LRP8: variants seen among roughly 807,000 people sequenced by gnomAD.
The protein encoded by LRP8 is low-density lipoprotein receptor-related protein 8.
In LRP8, 46 loss-of-function variants were observed where a neutral mutation model predicts 111.6. The ratio of observed to expected loss-of-function variants is 0.41; its 90% confidence interval spans 0.33 to 0.53. The LOEUF (loss-of-function observed/expected upper bound fraction) is 0.53. Among genes scored for constraint, LRP8 ranks in the 20% least tolerant of loss-of-function variants. The probability of loss-of-function intolerance (pLI) is 0.20; values close to 1 mark genes in which losing one functional copy is unlikely to be tolerated. For missense variants in LRP8, 959 were observed against 1,297.4 expected (o/e 0.74, Z 4.01); for synonymous variants, 464 against 511.2 (o/e 0.91, Z 1.24).
chr1:53,299,755 A>G (rs564501495), intron 2 of LRP8, among the ~76,000 whole-genome samples: 2 of 152,360 alleles, frequency 1.3e-5, no homozygotes, highest in Non-Finnish European at 2.9e-5. Flanking sequence ...GGAGTTAGCA[A>G]TGGGCCGTCT....
At chr1:53,257,900 C>G (rs911985194) in intron 14 of LRP8, 14 of 221,982 alleles carry the variant, frequency 6.3e-5, no homozygotes, top group Non-Finnish European at 1.1e-4. Flanking sequence ...TCTGTGTATG[C>G]GGTTGAAGTA....
Position 53,250,175 on chromosome 1 carries a change from C to T in LRP8, c.2676+515G>A, listed in dbSNP as rs1645849787. Among the ~76,000 whole-genome samples, 1 of 152,186 alleles carries T rather than the reference C, an allele frequency of 6.6e-6. No individual in the cohort carries two copies. The highest frequency in any genetic ancestry group is 2.4e-5 in the African/African-American group (1 of 41,436). ...CAGCTTCTTGGGAGCAAGCATGTTCCTTATTGACTTTTGAATACTTGATAT... is the reference window on the plus strand; with the variant it reads ...CAGCTTCTTGGGAGCAAGCATGTTCTTTATTGACTTTTGAATACTTGATAT... On this transcript the variant is annotated intron_variant, in intron 17 of 18. Coordinates refer to ENST00000306052, the MANE Select transcript of LRP8 (RefSeq NM_004631.5). This position sits in a 1 kb window ranked among gnomAD's most constrained non-coding sequence, Gnocchi z 4.6.
chr1:53,281,420 G>A (rs1647106238), intron 3 of LRP8, among the ~76,000 whole-genome samples: 1 of 152,276 alleles, frequency 6.6e-6, no homozygotes, highest in Non-Finnish European at 1.5e-5. Context: ...CTTATCATGA[G>A]TTTCTGCTGG....
At chr1:53,267,033 G>C (rs1410500887) in intron 8 of LRP8, 1 of 187,812 alleles carries the variant, frequency 5.3e-6, no homozygotes, top group Non-Finnish European at 1.1e-5. Flanking sequence ...GCCATGGATG[G>C]GCTTCCTGCC....
chr1:53,251,686 T>C (rs1347012240), intron 16 of LRP8, among the ~76,000 whole-genome samples: 1 of 151,636 alleles, frequency 6.6e-6, no homozygotes, highest in African/African-American at 2.4e-5. Flanking sequence ...TTATCATTGC[T>C]AATATTTATT....
In LRP8 at chr1:53,276,963, C is replaced by G; in HGVS notation, c.612G>C (p.Pro204=). The change falls in exon 5 of 19, where the codon CCG becomes CCC. Residue 204 remains proline, a synonymous_variant. Coordinates refer to ENST00000306052, the MANE Select transcript of LRP8 (RefSeq NM_004631.5). ...AGCGGAACTCGCGGGGCCCGCAGGCCGGGTCTGCACAGCCGCGCTCATCGC... is the reference window on the plus strand; with the variant it reads ...AGCGGAACTCGCGGGGCCCGCAGGCGGGGTCTGCACAGCCGCGCTCATCGC... ...DGSDERGCAD[P]ACGPREFRCG... is the part of the protein sequence containing the mutation. 6.7e-7 allele frequency: 1 copy of G among 1,485,704 alleles called. No homozygotes were observed. The highest frequency in any genetic ancestry group is 1.5e-5 in the African/African-American group (1 of 68,262). 92.0% of individuals were successfully genotyped at this position (1,485,704 alleles called of 1,614,324 possible).
intron 2 of LRP8, among the ~76,000 whole-genome samples, chr1:53,315,725 C>T (rs1250019081): frequency 1.3e-5 from 2 of 152,270 alleles, no homozygotes; most frequent in Non-Finnish European, 2.9e-5. Flanking sequence ...AAAAGCTGCC[C>T]CAAGTGACAC....
At chr1:53,255,096 G>T in intron 16 of LRP8, 21 bp downstream of exon 16, 1 of 1,612,594 alleles carries the variant, frequency 6.2e-7, no homozygotes, top group South Asian at 1.1e-5. Flanking sequence ...TTTCTCTTCA[G>T]TGACTGGGGG....
At chr1:53,302,460 A>G (rs1285114101) in intron 2 of LRP8, among the ~76,000 whole-genome samples, 1 of 152,076 alleles carries the variant, frequency 6.6e-6, no homozygotes, top group African/African-American at 2.4e-5. Flanking sequence ...CAGCCGGGGC[A>G]CTGAGGCCCA....
intron 2 of LRP8, among the ~76,000 whole-genome samples, chr1:53,322,322 A>G (rs1177440355): frequency 5.3e-5 from 8 of 152,162 alleles, no homozygotes; most frequent in African/African-American, 2.4e-5. Flanking sequence ...CAAATCCTGT[A>G]TCTCAGCCTG....
chr1:53,246,908 A>G lies in LRP8; in HGVS notation c.*110T>C. On this transcript the variant is annotated 3_prime_UTR_variant, in exon 19 of 19. Transcript: ENST00000306052. ...TTTAAAAAAAAAATCACACACACAC[A>G]TACACTCACACAGACCCATATATAG... The G allele has an allele frequency of 3.2e-6, 3 of 941,906 alleles. No individual in the cohort carries two copies. Among genetic ancestry groups the G allele is most frequent in the South Asian group, 3.3e-5 (2 of 61,432 alleles). The allele number at this position is 941,906 out of a possible 1,614,324, so 58.3% of individuals were successfully genotyped here.
chr1:53,291,448 C>A (rs1483866854), intron 2 of LRP8, among the ~76,000 whole-genome samples: 1 of 152,136 alleles, frequency 6.6e-6, no homozygotes, highest in Non-Finnish European at 1.5e-5. Flanking sequence ...CCAATCTAGC[C>A]CCACCTCAAC....
intron 3 of LRP8, among the ~76,000 whole-genome samples, chr1:53,282,198 C>G (rs1186107290): frequency 2.0e-5 from 3 of 152,098 alleles, no homozygotes; most frequent in Non-Finnish European, 4.4e-5. Flanking sequence ...CCCTGGACAC[C>G]ACTACTGCCA....
Position 53,328,020 on chromosome 1 carries a change from C to T in LRP8, c.-108G>A. 3 of 480,474 alleles carry T rather than the reference C, an allele frequency of 6.2e-6. No homozygotes were observed. The highest frequency in any genetic ancestry group is 5.3e-6 in the Non-Finnish European group (2 of 377,712). The allele number at this position is 480,474 out of a possible 1,614,324, so 29.8% of individuals were successfully genotyped here. On this transcript the variant is annotated 5_prime_UTR_variant, in exon 1 of 19. Coordinates refer to ENST00000306052, the MANE Select transcript of LRP8 (RefSeq NM_004631.5). ...GGCGCCGGGGTTGCCGCTGCCCCCG[C>T]CGCCGCCGCCGCCGCCGCTGCCGCC...
intron 9 of LRP8, 78 bp from the exon 10 acceptor site, chr1:53,264,474 C>T (rs867320996): frequency 1.7e-6 from 2 of 1,148,808 alleles, no homozygotes; most frequent in Middle Eastern, 2.0e-4. Flanking sequence ...GCACCCTTCC[C>T]CTCTCTTCCA....
Position 53,244,378 on chromosome 1 carries a change from G to C in LRP8, c.*2640C>G, listed in dbSNP as rs1210868878. 6.6e-6 allele frequency: 1 copy of C among 152,258 alleles called. No individual in the cohort carries two copies. The highest frequency in any genetic ancestry group is 1.5e-5 in the Non-Finnish European group (1 of 68,054). 9.4% of individuals were successfully genotyped at this position (152,258 alleles called of 1,614,324 possible). A position where few individuals can be genotyped will look rare whatever the true frequency, so the allele number is the denominator to read the frequency against. On this transcript the variant is annotated 3_prime_UTR_variant, in exon 19 of 19. Coordinates refer to ENST00000306052, the MANE Select transcript of LRP8 (RefSeq NM_004631.5). ...CTATAGTCCAGTGACTCTGTGATCTGTGATTGGCTGTAGATAGCTATGCAC... is the reference window on the plus strand; with the variant it reads ...CTATAGTCCAGTGACTCTGTGATCTCTGATTGGCTGTAGATAGCTATGCAC...
chr1:53,312,585 C>T (rs1432073209), intron 2 of LRP8, among the ~76,000 whole-genome samples: 3 of 151,894 alleles, frequency 2.0e-5, no homozygotes, highest in Non-Finnish European at 4.4e-5. Flanking sequence ...CTTGAACTCC[C>T]GGCCTTAAGT....
At chr1:53,285,017 G>T (rs769168034) in intron 3 of LRP8, among the ~76,000 whole-genome samples, 1 of 152,154 alleles carries the variant, frequency 6.6e-6, no homozygotes, top group Non-Finnish European at 1.5e-5. Context: ...AGCCTGGCTC[G>T]CAGGGTCCCA....
In LRP8 at chr1:53,269,323, A is replaced by AT. The variant is rs909395152; in HGVS notation, c.1252+1704dup. ...TCCCTTTTTATTTATTATTATTATT[A>AT]TTTTTTTTTTTAGAAAAGGTCTCAC... On this transcript the variant is annotated intron_variant, in intron 8 of 18. Coordinates refer to ENST00000306052, the MANE Select transcript of LRP8 (RefSeq NM_004631.5). Among the ~76,000 whole-genome samples, 100 of 147,188 alleles carry AT rather than the reference A, an allele frequency of 6.8e-4. 1 individual carries two copies. Among genetic ancestry groups the AT allele is most frequent in the East Asian group, 4.3e-3 (22 of 5,106 alleles).
Sources: gnomAD v4.1 joint callset for allele counts (sites outside exome capture counted in the v4.1 genomes callset) on GRCh38, gnomAD v4.1.1 for gene constraint, Gnocchi (gnomAD v3.1) non-coding constraint, MANE v1.5 for transcripts, NCBI Gene and HGNC (gene_info 2026-07-23, HGNC 2026-07-21) for gene names.